SLC2A6: variants seen among roughly 807,000 people sequenced by gnomAD.
The protein encoded by SLC2A6 is solute carrier family 2, facilitated glucose transporter member 6.
A neutral mutation model predicts 47.8 loss-of-function variants in SLC2A6; 39 were observed. The observed-to-expected ratio is 0.82, with a 90% CI of 0.63 to 1.07. The LOEUF is 1.07. SLC2A6 is among the 50% of genes least tolerant of loss of function. The pLI, the probability that SLC2A6 is intolerant of heterozygous loss-of-function variation, is 0.00. For synonymous variants in SLC2A6, 346 were observed against 324.1 expected, an observed-to-expected ratio of 1.07 and a Z score of -0.73; for missense variants, 650 against 707.6, an observed-to-expected ratio of 0.92 and a Z score of 0.92.
Position 133,475,469 on chromosome 9 carries a change from G to C in SLC2A6, c.705C>G (p.Ala235=). ...CATCGACGTCCGTCCCACGCAGCCA[G>C]GCCAGCGCCCGCAGGGCCTCTTCGT... ...GRDEEALRAL[A]WLRGTDVDVH... The change falls in exon 5 of 10, where the codon GCC becomes GCG. Residue 235 remains alanine, a synonymous_variant. Transcript: ENST00000371899. 1 of 1,611,968 alleles carries C rather than the reference G, an allele frequency of 6.2e-7. No individual in the cohort carries two copies. The highest frequency in any genetic ancestry group is 8.5e-7 in the Non-Finnish European group (1 of 1,179,888).
chr9:133,474,977 C>G lies in SLC2A6; in HGVS notation c.911G>C (p.Ser304Thr). The change falls in exon 6 of 10, where the codon AGC becomes ACC. Residue 304 changes from serine to threonine, a missense_variant. Physicochemically the swap from Ser to Thr is moderately conservative, Grantham distance 58. Transcript: ENST00000371899. ...GGCTCTCACCAGCAGGACAGCGGTG[C>G]TGTCGAAGATGGACTGCAGGTAGAC... ...ILVYLQSIFD[S>T]TAVLLPPKDD... 1 of 1,575,102 alleles carries G rather than the reference C, an allele frequency of 6.3e-7. No individual in the cohort carries two copies. Among genetic ancestry groups the G allele is most frequent in the African/African-American group, 1.3e-5 (1 of 74,174 alleles).
chr9:133,472,481 C>T (rs1258664423), intron 9 of SLC2A6, among the ~76,000 whole-genome samples: 3 of 152,144 alleles, frequency 2.0e-5, no homozygotes, highest in African/African-American at 4.8e-5. Context: ...TGTTCCATGC[C>T]GCGGCCTGCA....
At chr9:133,473,309 G>A (rs1843804116) in intron 8 of SLC2A6, 59 bp from the exon 9 acceptor site, 1 of 1,545,628 alleles carries the variant, frequency 6.5e-7, no homozygotes, top group Non-Finnish European at 8.7e-7. Context: ...GGCTGTGTCT[G>A]TCTCCGCTGA....
At chr9:133,478,441 A>G in intron 1 of SLC2A6, 25 bp from the exon 2 acceptor site, 1 of 1,613,322 alleles carries the variant, frequency 6.2e-7, no homozygotes, top group East Asian at 2.2e-5. Flanking sequence ...GGACAAAAAG[A>G]CCAGGGTCTC....
chr9:133,475,141 G>GT, intron 5 of SLC2A6, 28 bp from the exon 6 acceptor site: 1 of 1,508,668 alleles, frequency 6.6e-7, no homozygotes, highest in South Asian at 1.3e-5. Flanking sequence ...CGCTGAGGGC[G>GT]TTGGGCCAGC....
chr9:133,473,487 C>A lies in SLC2A6; in HGVS notation c.1150G>T (p.Ala384Ser). ...GLESESWGDL[A>S]QPLAAPAGYL... is the part of the protein sequence containing the mutation. ...CCAGCGGGTGCTGCCAGGGGCTGCGCCAAGTCCCCCCAGGACTCGCTTTCC... is the reference window on the plus strand; with the variant it reads ...CCAGCGGGTGCTGCCAGGGGCTGCGACAAGTCCCCCCAGGACTCGCTTTCC... The change falls in exon 8 of 10, where the codon GCG (alanine) becomes TCG (serine). Residue 384 changes from alanine to serine, a missense_variant. Ala to Ser is a moderately conservative substitution (Grantham distance 99, BLOSUM62 1). Transcript: ENST00000371899. 6.2e-7 allele frequency: 1 copy of A among 1,603,576 alleles called. No individual in the cohort carries two copies. Among genetic ancestry groups the A allele is most frequent in the Non-Finnish European group, 8.5e-7 (1 of 1,176,660 alleles).
rs376983675 is a variant in SLC2A6 at position 133,475,461 on chromosome 9, C to G, written c.713G>C (p.Arg238Pro). 1.5e-5 allele frequency: 24 copies of G among 1,611,746 alleles called. No homozygotes were observed. Among genetic ancestry groups the G allele is most frequent in the African/African-American group, 2.7e-5 (2 of 74,934 alleles). Reference protein sequence around the residue: ...EEALRALAWLRGTDVDVHWEF... With the variant: ...EEALRALAWLPGTDVDVHWEF... ...CCAGTGGACATCGACGTCCGTCCCA[C>G]GCAGCCAGGCCAGCGCCCGCAGGGC... The change falls in exon 5 of 10, where the codon CGT (arginine) becomes CCT (proline). Residue 238 changes from arginine to proline, a missense_variant. Transcript: ENST00000371899.
At position 133,479,066 on chromosome 9, in the gene SLC2A6, G is replaced by T; in HGVS notation, c.-7C>A. The stretch of plus-strand genomic sequence containing the variant: ...CCAGCAGCGGCTCCTGCATGGCCGG[G>T]TCTCTCTCGGGGCGAGCGGAGGGCG... On this transcript the variant is annotated 5_prime_UTR_variant, in exon 1 of 10. Coordinates refer to ENST00000371899, the MANE Select transcript of SLC2A6 (RefSeq NM_017585.4). 6.3e-7 allele frequency: 1 copy of T among 1,591,502 alleles called. No individual in the cohort carries two copies.
intron 2 of SLC2A6, 151 bp from the exon 3 acceptor site, chr9:133,477,392 C>G: frequency 1.4e-6 from 1 of 711,854 alleles, no homozygotes; most frequent in Non-Finnish European, 2.3e-6. Context: ...AGCCTCCTGT[C>G]TTCAAGGAAC....
In SLC2A6 at chr9:133,473,140, C is replaced by T. The variant is rs782027636; in HGVS notation, c.1333G>A (p.Ala445Thr). 20 of 1,611,244 alleles carry T rather than the reference C, an allele frequency of 1.2e-5. No homozygotes were observed. The highest frequency in any genetic ancestry group is 1.7e-5 in the Admixed American group (1 of 59,816). The change falls in exon 9 of 10, where the codon GCC becomes ACC. Residue 445 changes from alanine to threonine, a missense_variant. Ala to Thr is a moderately conservative substitution (Grantham distance 58). Transcript: ENST00000371899. Reference protein sequence around the residue: ...GLCVLASWLTAFVLTKSFLPV... With the variant: ...GLCVLASWLTTFVLTKSFLPV... ...AGGAAGGACTTGGTGAGGACGAAGG[C>T]GGTGAGCCAGCTGGCCAGCACGCAG...
At position 133,471,769 on chromosome 9, in the gene SLC2A6, G is replaced by T; in HGVS notation, c.*252C>A. The T allele has an allele frequency of 2.1e-6, 1 of 480,942 alleles. No homozygotes were observed. The highest frequency in any genetic ancestry group is 3.3e-5 in the East Asian group (1 of 30,008). The allele number at this position is 480,942 out of a possible 1,614,324, so 29.8% of individuals were successfully genotyped here. ...GCAGGGCCGTGTCCCTGGATGCAGG[G>T]TTGTATGCACTCCTGCGGCCCATGG... On this transcript the variant is annotated 3_prime_UTR_variant, in exon 10 of 10. Transcript: ENST00000371899.
Position 133,474,091 on chromosome 9 carries a change from A to G in SLC2A6, c.928-3T>C. 1 of 1,595,090 alleles carries G rather than the reference A, an allele frequency of 6.3e-7. No homozygotes were observed. Among genetic ancestry groups the G allele is most frequent in the Non-Finnish European group, 8.5e-7 (1 of 1,172,538 alleles). On this transcript the variant is annotated splice_region_variant and splice_polypyrimidine_tract_variant and intron_variant, in intron 6 of 9. Coordinates refer to ENST00000371899, the MANE Select transcript of SLC2A6 (RefSeq NM_017585.4). ...ATGGCTGCGTCGTCCTTGGGGGGCT[A>G]TCGGGGGGAGACCACCAGGGCTGAG...
intron 6 of SLC2A6, 147 bp from the exon 7 acceptor site, chr9:133,474,235 G>A: frequency 1.7e-6 from 1 of 603,822 alleles, no homozygotes; most frequent in Non-Finnish European, 2.9e-6. Context: ...AGCGTGCTGG[G>A]CATCTATACT....
chr9:133,476,794 G>A (rs587704201), intron 3 of SLC2A6, among the ~76,000 whole-genome samples: 4 of 152,326 alleles, frequency 2.6e-5, no homozygotes, highest in Admixed American at 1.3e-4. Flanking sequence ...ACATCTGACC[G>A]GTCAAGAAAC....
rs782032937 is a variant in SLC2A6 at position 133,473,124 on chromosome 9, T to G, written c.1349A>C (p.Lys450Thr). ...ASWLTAFVLT[K>T]SFLPVVSTFG... ...ACTCACCACCACTGGCAGGAAGGAC[T>G]TGGTGAGGACGAAGGCGGTGAGCCA... Residue 450 changes from lysine (K) to threonine (T), a missense_variant, in exon 9 of 10, where the codon AAG (lysine) becomes ACG (threonine). Transcript: ENST00000371899. 6.2e-7 allele frequency: 1 copy of G among 1,610,190 alleles called. No homozygotes were observed. Among genetic ancestry groups the G allele is most frequent in the Non-Finnish European group, 8.5e-7 (1 of 1,179,070 alleles).
chr9:133,471,875 C>T lies in SLC2A6; in HGVS notation c.*146G>A. On this transcript the variant is annotated 3_prime_UTR_variant, in exon 10 of 10. Coordinates refer to ENST00000371899, the MANE Select transcript of SLC2A6 (RefSeq NM_017585.4). ...ACCTGTCCCGAGCCAGGGGCACCCG[C>T]TGCTGAGGCCCCATCACACTGCTCT... 1 of 955,318 alleles carries T rather than the reference C, an allele frequency of 1.0e-6. No individual in the cohort carries two copies. The highest frequency in any genetic ancestry group is 1.5e-6 in the Non-Finnish European group (1 of 655,266). 59.2% of individuals were successfully genotyped at this position (955,318 alleles called of 1,614,324 possible). A position where few individuals can be genotyped will look rare whatever the true frequency, so the allele number is the denominator to read the frequency against.
intron 2 of SLC2A6, 133 bp from the exon 3 acceptor site, chr9:133,477,374 A>C (rs965565859): frequency 1.3e-6 from 1 of 794,672 alleles, no homozygotes; most frequent in Non-Finnish European, 2.0e-6. Context: ...CAAGCACTTG[A>C]AACAGGGAGC....
chr9:133,471,945 C>T lies in SLC2A6; in HGVS notation c.*76G>A, dbSNP rs587638892. On this transcript the variant is annotated 3_prime_UTR_variant, in exon 10 of 10. Coordinates refer to ENST00000371899, the MANE Select transcript of SLC2A6 (RefSeq NM_017585.4). The stretch of plus-strand genomic sequence containing the variant: ...GCAGGGATGACTGCTGCCTCTTGGT[C>T]CCAGGGTGCAGGTTTGTAGCCAACA... 9 of 1,519,420 alleles carry T rather than the reference C, an allele frequency of 5.9e-6. No individual in the cohort carries two copies. Among genetic ancestry groups the T allele is most frequent in the Admixed American group, 3.8e-5 (2 of 52,838 alleles). The allele number at this position is 1,519,420 out of a possible 1,614,324, so 94.1% of individuals were successfully genotyped here.
chr9:133,474,587 CTA>C (rs1843868763), intron 6 of SLC2A6, among the ~76,000 whole-genome samples: 1 of 152,244 alleles, frequency 6.6e-6, no homozygotes, highest in African/African-American at 2.4e-5. Flanking sequence ...TTTAAAATTT[CTA>C]TATGTTTTTA....
Sources: allele counts gnomAD v4.1 joint callset (sites outside exome capture counted in the v4.1 genomes callset), GRCh38; gene constraint gnomAD v4.1.1; transcripts MANE v1.5; gene names NCBI Gene and HGNC (gene_info 2026-07-23, HGNC 2026-07-21).